Variants in SLC4A7 observed in about 807,000 individuals in gnomAD.
SLC4A7 encodes sodium bicarbonate cotransporter 3.
SLC4A7 carries 51 observed loss-of-function variants against 137.6 expected under a neutral mutation model. The ratio of observed to expected loss-of-function variants is 0.37; its 90% CI spans 0.30 to 0.47. The LOEUF (loss-of-function observed/expected upper bound fraction) is 0.47, where lower values mean the gene tolerates loss of function less well. Ranked by LOEUF, SLC4A7 falls within the 20% of genes least tolerant of loss-of-function variation. SLC4A7 has a pLI of 1.00. For synonymous variants in SLC4A7, 542 were observed against 518.6 expected, an observed-to-expected ratio of 1.05 and a Z score of -0.61; for missense variants, 1,247 against 1,525.4, an observed-to-expected ratio of 0.82 and a Z score of 3.04.
At chr3:27,398,923 T>C (rs566211417) in intron 16 of SLC4A7, among the ~76,000 whole-genome samples, 1 of 151,634 alleles carries the variant, frequency 6.6e-6, no homozygotes, top group East Asian at 1.9e-4. Flanking sequence ...ACCGTTAAAA[T>C]ATTTCCATTA....
rs576420310 is a variant in SLC4A7, at chr3:27,447,547, T to C, written c.289+1104A>G. ...GCTCTCTTTGCTAGAAAGCAAACAC[T>C]AGGACCCATGATGTACAGATGGCCT... On this transcript the variant is annotated intron_variant, in intron 3 of 25. Transcript: ENST00000454389. Among the ~76,000 whole-genome samples the C allele has an allele frequency of 2.6e-5, 4 of 152,010 alleles. No homozygotes were observed. The East Asian group carries it at 7.8e-4, about 29-fold the overall frequency.
At chr3:27,378,519 A>C (rs2050118254) in intron 25 of SLC4A7, among the ~76,000 whole-genome samples, 1 of 152,232 alleles carries the variant, frequency 6.6e-6, no homozygotes. Context: ...AGAATCCCTG[A>C]GGGCTTAGTT....
intron 7 of SLC4A7, among the ~76,000 whole-genome samples, chr3:27,424,972 G>A (rs1419773711): frequency 6.6e-6 from 1 of 152,176 alleles, no homozygotes; most frequent in Non-Finnish European, 1.5e-5. Context: ...CATTTCAAAA[G>A]TGACATTCAA....
intron 1 of SLC4A7, among the ~76,000 whole-genome samples, chr3:27,455,879 A>G (rs2150582667): frequency 6.6e-6 from 1 of 152,262 alleles, no homozygotes; most frequent in South Asian, 2.1e-4. Context: ...AAAAAACAAA[A>G]CCTAGTTCAT....
intron 15 of SLC4A7, 93 bp downstream of exon 15, chr3:27,403,046 A>T: frequency 2.5e-6 from 3 of 1,208,724 alleles, no homozygotes; most frequent in Non-Finnish European, 2.3e-6. Context: ...ATAGCTAGTT[A>T]CACTATCACA....
intron 5 of SLC4A7, among the ~76,000 whole-genome samples, chr3:27,435,719 G>C (rs1224619860): frequency 1.3e-5 from 2 of 152,120 alleles, no homozygotes; most frequent in African/African-American, 4.8e-5. Context: ...GTATACACCT[G>C]TGGTCCCAGC....
At chr3:27,395,420 A>T (rs1297004188) in intron 18 of SLC4A7, among the ~76,000 whole-genome samples, 2 of 152,174 alleles carry the variant, frequency 1.3e-5, no homozygotes, top group African/African-American at 4.8e-5. Flanking sequence ...AAGTGACACT[A>T]TGTGATTTCT....
intron 10 of SLC4A7, among the ~76,000 whole-genome samples, chr3:27,419,864 AAAG>A (rs1018133992): frequency 2.0e-5 from 3 of 152,058 alleles, no homozygotes; most frequent in African/African-American, 7.2e-5. Flanking sequence ...GAAGAGGTAA[AAAG>A]AATCTGGTGA....
intron 1 of SLC4A7, among the ~76,000 whole-genome samples, chr3:27,479,775 A>G (rs1369290092): frequency 2.6e-5 from 4 of 152,248 alleles, no homozygotes; most frequent in Admixed American, 2.6e-4. Context: ...ATAGCTACAG[A>G]GGAAATTGTA....
intron 6 of SLC4A7, among the ~76,000 whole-genome samples, chr3:27,433,441 A>C (rs1166607516): frequency 6.6e-6 from 1 of 152,166 alleles, no homozygotes; most frequent in Non-Finnish European, 1.5e-5. Flanking sequence ...CCTGCCTGTA[A>C]CCTAAGAATG....
chr3:27,424,940 C>T (rs1353082709), intron 7 of SLC4A7, among the ~76,000 whole-genome samples: 1 of 152,184 alleles, frequency 6.6e-6, no homozygotes, highest in African/African-American at 2.4e-5. Flanking sequence ...AGGACAGACA[C>T]ATATTGAAGC....
intron 20 of SLC4A7, among the ~76,000 whole-genome samples, chr3:27,394,088 G>A (rs770800094): frequency 4.6e-5 from 7 of 152,012 alleles, no homozygotes; most frequent in African/African-American, 7.3e-5. Flanking sequence ...GCCCAATCAC[G>A]GCTCACTGCA....
At chr3:27,449,417 ATATT>A (rs1008715116) in intron 2 of SLC4A7, among the ~76,000 whole-genome samples, 9 of 150,368 alleles carry the variant, frequency 6.0e-5, no homozygotes, top group Non-Finnish European at 1.0e-4. Flanking sequence ...ATATTTACAA[ATATT>A]TATTTACTAA....
At chr3:27,463,741 C>T (rs538290747) in intron 1 of SLC4A7, among the ~76,000 whole-genome samples, 55 of 152,186 alleles carry the variant, frequency 3.6e-4, no homozygotes, top group African/African-American at 1.3e-3. Context: ...CGGGGAAGAG[C>T]CTGACCCCTC....
At chr3:27,460,811 G>T (rs1287891471) in intron 1 of SLC4A7, among the ~76,000 whole-genome samples, 1 of 152,146 alleles carries the variant, frequency 6.6e-6, no homozygotes, top group Non-Finnish European at 1.5e-5. Context: ...TAAGAATCTA[G>T]TGCTGTTGAC....
At position 27,397,399 on chromosome 3, in the gene SLC4A7, C is replaced by CTT. The variant is rs5847461; in HGVS notation, c.2703+283_2703+284dup. Among the ~76,000 whole-genome samples the CTT allele has an allele frequency of 3.7e-3, 530 of 142,682 alleles. 4 individuals carry two copies. Among genetic ancestry groups the CTT allele is most frequent in the Middle Eastern group, 0.019 (5 of 266 alleles). The allele number at this position is 142,682 out of a possible 152,430, so 93.6% of individuals were successfully genotyped here. Reference sequence around the variant, plus strand: ...AGAACTCCAGGTAGGAGAGCAAAGACTTTTTTTTTTTTTTAATGGCTCCCT... The same window carrying CTT: ...AGAACTCCAGGTAGGAGAGCAAAGACTTTTTTTTTTTTTTTTAATGGCTCCCT... On this transcript the variant is annotated intron_variant, in intron 18 of 25. Coordinates refer to ENST00000454389, the MANE Select transcript of SLC4A7 (RefSeq NM_001321103.2).
chr3:27,419,918 G>A (rs1283218656), intron 10 of SLC4A7, among the ~76,000 whole-genome samples: 2 of 151,996 alleles, frequency 1.3e-5, no homozygotes, highest in African/African-American at 2.4e-5. Flanking sequence ...GACAGGCGCG[G>A]TGGCTCACGC....
chr3:27,443,573 T>C (rs1019649362), intron 3 of SLC4A7, among the ~76,000 whole-genome samples: 10 of 152,200 alleles, frequency 6.6e-5, no homozygotes, highest in Non-Finnish European at 1.2e-4. Flanking sequence ...CCTATTTTTT[T>C]TCCTTAGTTT....
intron 6 of SLC4A7, among the ~76,000 whole-genome samples, chr3:27,432,274 A>G (rs1426970888): frequency 3.9e-5 from 6 of 152,210 alleles, no homozygotes; most frequent in African/African-American, 1.4e-4. Context: ...TTTTAAAAAG[A>G]GAAACACAAT....
Sources: allele counts gnomAD v4.1 joint callset (sites outside exome capture counted in the v4.1 genomes callset), GRCh38; gene constraint gnomAD v4.1.1; transcripts MANE v1.5; gene names NCBI Gene and HGNC (gene_info 2026-07-23, HGNC 2026-07-21).